The following RFX3 variants were observed in gnomAD, a reference collection of about 807,000 sequenced individuals.
RFX3 encodes the protein regulatory factor X3.
In RFX3, 14 loss-of-function variants were observed where a neutral mutation model predicts 98.6. The ratio of observed to expected loss-of-function variants is 0.14; its 90% CI spans 0.09 to 0.22. RFX3 has a LOEUF of 0.22. Among genes scored for constraint, RFX3 ranks in the 10% least tolerant of loss-of-function variants. The pLI, the probability that RFX3 is intolerant of heterozygous loss-of-function variation, is 1.00. For synonymous variants in RFX3, 383 were observed against 328.4 expected (o/e 1.17, Z -1.80); for missense variants, 639 against 926.9 (o/e 0.69, Z 4.03).
chr9:3,520,047 C>G (rs1448200668), intron 1 of RFX3, among the ~76,000 whole-genome samples: 1 of 152,154 alleles, frequency 6.6e-6, no homozygotes, highest in Non-Finnish European at 1.5e-5. Flanking sequence ...GAGATTGAGG[C>G]TGCAGTGAGC....
intron 1 of RFX3, among the ~76,000 whole-genome samples, chr9:3,474,424 G>T (rs893570521): frequency 6.6e-6 from 1 of 152,180 alleles, no homozygotes; most frequent in African/African-American, 2.4e-5. Context: ...AAGTACCACT[G>T]AAGTTTCAAA....
intron 1 of RFX3, among the ~76,000 whole-genome samples, chr9:3,420,572 T>C (rs899662237): frequency 6.6e-6 from 1 of 152,216 alleles, no homozygotes; most frequent in African/African-American, 2.4e-5. Flanking sequence ...TAAGGTCATT[T>C]TAAGTAAGCA....
chr9:3,500,679 A>G (rs908908602), intron 1 of RFX3, among the ~76,000 whole-genome samples: 5 of 152,202 alleles, frequency 3.3e-5, no homozygotes, highest in Non-Finnish European at 7.4e-5. Context: ...ATTAAAATTG[A>G]TATTTCCCAA....
chr9:3,413,727 C>G (rs1010935094), intron 1 of RFX3, among the ~76,000 whole-genome samples: 1 of 152,060 alleles, frequency 6.6e-6, no homozygotes, highest in African/African-American at 2.4e-5. Context: ...ACAGTTGGAG[C>G]AAATATAAGC....
chr9:3,333,037 T>C (rs912867323), intron 3 of RFX3, among the ~76,000 whole-genome samples: 1 of 152,202 alleles, frequency 6.6e-6, no homozygotes, highest in South Asian at 2.1e-4. Flanking sequence ...CAATGTGTTG[T>C]TAATTTCCTC....
chr9:3,520,096 CA>C (rs1818559593), intron 1 of RFX3, among the ~76,000 whole-genome samples: 1 of 152,090 alleles, frequency 6.6e-6, no homozygotes, highest in Non-Finnish European at 1.5e-5. Flanking sequence ...AGTGACAGAG[CA>C]AAACCCTGTT....
At chr9:3,247,311 C>G in intron 15 of RFX3, 1 of 986,952 alleles carries the variant, frequency 1.0e-6, no homozygotes, top group South Asian at 4.7e-5. Flanking sequence ...TTCAGAAATT[C>G]TGAAGAAGAG....
At chr9:3,471,732 G>A (rs555704321) in intron 1 of RFX3, among the ~76,000 whole-genome samples, 1 of 152,262 alleles carries the variant, frequency 6.6e-6, no homozygotes, top group South Asian at 2.1e-4. Flanking sequence ...CCAGCAAGGG[G>A]GAAAAAGGGA....
At chr9:3,506,443 A>G (rs1357745259) in intron 1 of RFX3, among the ~76,000 whole-genome samples, 2 of 151,886 alleles carry the variant, frequency 1.3e-5, no homozygotes, top group Non-Finnish European at 2.9e-5. Flanking sequence ...GTTAGGCAGT[A>G]GAAGGAAAAA....
chr9:3,392,672 C>T (rs1040322745), intron 2 of RFX3, among the ~76,000 whole-genome samples: 1 of 151,916 alleles, frequency 6.6e-6, no homozygotes, highest in Non-Finnish European at 1.5e-5. Flanking sequence ...CATCAATGCA[C>T]ATCATCATAA....
intron 3 of RFX3, among the ~76,000 whole-genome samples, chr9:3,335,212 C>A (rs1833027522): frequency 6.6e-6 from 1 of 152,212 alleles, no homozygotes; most frequent in African/African-American, 2.4e-5. Flanking sequence ...GTTCGAGTCC[C>A]TGGAGCCAAA....
chr9:3,395,744 G>T, intron 1 of RFX3, 148 bp from the exon 2 acceptor site: 1 of 756,166 alleles, frequency 1.3e-6, no homozygotes, highest in Non-Finnish European at 2.1e-6. Context: ...GTCCGTGCAT[G>T]TGTATGGTCA....
intron 1 of RFX3, among the ~76,000 whole-genome samples, chr9:3,446,540 G>C (rs1051072960): frequency 6.6e-6 from 1 of 151,710 alleles, no homozygotes; most frequent in Admixed American, 6.6e-5. Context: ...ACTATTCAGA[G>C]ATTTTACCAT....
intron 13 of RFX3, among the ~76,000 whole-genome samples, chr9:3,259,382 T>G (rs551804452): frequency 2.0e-5 from 3 of 152,026 alleles, no homozygotes; most frequent in Non-Finnish European, 4.4e-5. Flanking sequence ...TTCATTTTAC[T>G]ACTCTCTAAA....
chr9:3,254,779 A>G (rs1436681585), intron 14 of RFX3, among the ~76,000 whole-genome samples: 1 of 152,176 alleles, frequency 6.6e-6, no homozygotes, highest in African/African-American at 2.4e-5. Flanking sequence ...CTACCTTGAG[A>G]ACACTGTGAT....
chr9:3,361,975 G>T (rs1836509427), intron 2 of RFX3, among the ~76,000 whole-genome samples: 1 of 151,910 alleles, frequency 6.6e-6, no homozygotes. Flanking sequence ...AATAAAATAA[G>T]TCACAGGCTA....
chr9:3,436,068 C>G (rs770423472), intron 1 of RFX3, among the ~76,000 whole-genome samples: 1 of 151,724 alleles, frequency 6.6e-6, no homozygotes, highest in African/African-American at 2.4e-5. Flanking sequence ...CTTGAAAGTA[C>G]TAAAAAGTAC....
intron 1 of RFX3, among the ~76,000 whole-genome samples, chr9:3,447,097 C>A (rs551936281): frequency 6.6e-6 from 1 of 152,200 alleles, no homozygotes; most frequent in Non-Finnish European, 1.5e-5. Context: ...ATGCCTTATA[C>A]ATGTAGGTTA....
intron 4 of RFX3, among the ~76,000 whole-genome samples, chr9:3,319,974 T>A (rs1268484093): frequency 6.6e-6 from 1 of 152,202 alleles, no homozygotes; most frequent in African/African-American, 2.4e-5. Context: ...AATGCCAGTT[T>A]TCACTGTCTA....
Sources: allele counts gnomAD v4.1 joint callset (sites outside exome capture counted in the v4.1 genomes callset), GRCh38; gene constraint gnomAD v4.1.1; transcripts MANE v1.5; gene names NCBI Gene and HGNC (gene_info 2026-07-23, HGNC 2026-07-21).